BLTP1: variants seen among roughly 807,000 people sequenced by gnomAD.
BLTP1 encodes the protein fragile site-associated protein.
the BLTP1 span, among the ~76,000 whole-genome samples, chr4:122,165,735 T>A: frequency 0.34 from 43,054 of 124,816 alleles, 13,528 homozygotes; most frequent in East Asian, 0.76. Context: ...CCAGCACCTG[T>A]TGTTTCTTGA....
chr4:122,207,474 T>G, the BLTP1 span: 2 of 1,505,020 alleles, frequency 1.3e-6, no homozygotes, highest in Admixed American at 4.5e-5. Context: ...ATTTTATAAT[T>G]GAAATTTAAT....
At chr4:122,187,301 C>T in the BLTP1 span, 3 of 1,438,678 alleles carry the variant, frequency 2.1e-6, no homozygotes, top group Non-Finnish European at 1.8e-6. Context: ...GTTCTGTTTA[C>T]TGAAGTAGTC....
At chr4:122,164,481 G>T in the BLTP1 span, 159 of 908,574 alleles carry the variant, frequency 1.7e-4, 1 homozygote, top group African/African-American at 2.7e-3. Flanking sequence ...TGCATCTTTG[G>T]CAGGAATATC....
At chr4:122,243,442 A>G in the BLTP1 span, 1 of 985,134 alleles carries the variant, frequency 1.0e-6, no homozygotes, top group African/African-American at 1.7e-5. Flanking sequence ...TCTTTGGGAC[A>G]TAAAATGTCA....
the BLTP1 span, among the ~76,000 whole-genome samples, chr4:122,311,978 TATTA>T: frequency 6.6e-6 from 1 of 152,188 alleles, no homozygotes; most frequent in Admixed American, 6.5e-5. Flanking sequence ...TAATATTCCT[TATTA>T]ATTCATCGTG....
chr4:122,347,171 T>C, the BLTP1 span: 1 of 984,040 alleles, frequency 1.0e-6, no homozygotes, highest in Non-Finnish European at 1.2e-6. Flanking sequence ...CTAGCTTGCC[T>C]GCATTTGTCT....
At chr4:122,322,103 T>G in the BLTP1 span, among the ~76,000 whole-genome samples, 1 of 150,240 alleles carries the variant, frequency 6.7e-6, no homozygotes, top group Non-Finnish European at 1.5e-5. Flanking sequence ...CAGTCATTAT[T>G]GGTTCAGATA....
the BLTP1 span, among the ~76,000 whole-genome samples, chr4:122,161,734 A>G: frequency 2.0e-4 from 31 of 152,226 alleles, 1 homozygote; most frequent in African/African-American, 7.0e-4. Context: ...CAGAGAATCA[A>G]ATTTTCTTAA....
At chr4:122,293,593 G>A in the BLTP1 span, among the ~76,000 whole-genome samples, 1 of 150,234 alleles carries the variant, frequency 6.7e-6, no homozygotes, top group East Asian at 2.0e-4. Context: ...TGGAGTCTCG[G>A]TGAAGCAGCC....
the BLTP1 span, chr4:122,299,714 G>A: frequency 2.5e-6 from 2 of 787,964 alleles, no homozygotes; most frequent in Non-Finnish European, 3.1e-6. Flanking sequence ...GGTTGGGGGG[G>A]TGATATTATA....
At chr4:122,189,608 G>GA in the BLTP1 span, 1 of 914,654 alleles carries the variant, frequency 1.1e-6, no homozygotes, top group Non-Finnish European at 1.3e-6. Flanking sequence ...TGTAAATGCA[G>GA]AATATGATCA....
the BLTP1 span, chr4:122,301,284 C>A: frequency 1.9e-6 from 3 of 1,551,792 alleles, no homozygotes; most frequent in African/African-American, 2.8e-5. Flanking sequence ...TTGTCCCGAA[C>A]TCTTCTTTCC....
At chr4:122,191,426 C>T in the BLTP1 span, among the ~76,000 whole-genome samples, 1 of 151,944 alleles carries the variant, frequency 6.6e-6, no homozygotes, top group Non-Finnish European at 1.5e-5. Flanking sequence ...TATGATGAGA[C>T]CACCAATGAT....
chr4:122,155,350 A>G, the BLTP1 span, among the ~76,000 whole-genome samples: 3 of 150,242 alleles, frequency 2.0e-5, no homozygotes, highest in African/African-American at 7.3e-5. Context: ...TGGAGACACA[A>G]TTTCACTCTG....
chr4:122,320,354 T>G, the BLTP1 span, among the ~76,000 whole-genome samples: 1 of 152,084 alleles, frequency 6.6e-6, no homozygotes, highest in Non-Finnish European at 1.5e-5. Context: ...TCTTGCTATG[T>G]TGCCCAGGCT....
chr4:122,354,821 C>CA, the BLTP1 span, among the ~76,000 whole-genome samples: 1 of 151,874 alleles, frequency 6.6e-6, no homozygotes, highest in African/African-American at 2.4e-5. Context: ...TGTGCGCCAC[C>CA]ACGCCCGGCT....
At chr4:122,253,626 A>G in the BLTP1 span, among the ~76,000 whole-genome samples, 4 of 152,256 alleles carry the variant, frequency 2.6e-5, no homozygotes, top group South Asian at 6.2e-4. Flanking sequence ...AAGGAATGAA[A>G]AAGAACGAAG....
the BLTP1 span, chr4:122,279,804 C>T: frequency 6.2e-7 from 1 of 1,613,910 alleles, no homozygotes; most frequent in Non-Finnish European, 8.5e-7. Flanking sequence ...ATTGCCAAGT[C>T]CCAAGCCCTC....
At chr4:122,240,488 T>C in the BLTP1 span, 1 of 701,846 alleles carries the variant, frequency 1.4e-6, no homozygotes, top group Admixed American at 2.9e-5. Context: ...CATAGCTTTA[T>C]GTATGATAGG....
Sources: gnomAD v4.1 joint callset for allele counts (sites outside exome capture counted in the v4.1 genomes callset) on GRCh38, gnomAD v4.1.1 for gene constraint, MANE v1.5 for transcripts, NCBI Gene and HGNC (gene_info 2026-07-23, HGNC 2026-07-21) for gene names.